Variants in CAAP1 observed in about 807,000 individuals in gnomAD.
The protein encoded by CAAP1 is conserved anti-apoptotic protein.
CAAP1 carries 20 observed loss-of-function variants against 34.0 expected under a neutral mutation model. The observed-to-expected ratio is 0.59, with a 90% CI of 0.41 to 0.86. CAAP1 has a LOEUF of 0.86. CAAP1 is among the 40% of genes least tolerant of loss of function. CAAP1 has a pLI of 0.00. For missense variants in CAAP1, 538 were observed against 450.5 expected (o/e 1.19, Z -1.76); for synonymous variants, 213 against 166.7 (o/e 1.28, Z -2.14).
chr9:26,856,131 G>T (rs183296239), intron 5 of CAAP1, among the ~76,000 whole-genome samples: 2 of 149,764 alleles, frequency 1.3e-5, no homozygotes, highest in Non-Finnish European at 2.9e-5. Flanking sequence ...TTTTAAAAGG[G>T]GGGGGGTAGA....
chr9:26,850,359 A>C (rs1385838178), intron 5 of CAAP1, among the ~76,000 whole-genome samples: 3 of 152,132 alleles, frequency 2.0e-5, no homozygotes, highest in African/African-American at 7.2e-5. Flanking sequence ...TGACTACCCC[A>C]AAAATGTCGA....
chr9:26,861,224 C>A, intron 4 of CAAP1, 85 bp from the exon 5 acceptor site: 1 of 941,010 alleles, frequency 1.1e-6, no homozygotes. Flanking sequence ...TTAAGTTAGG[C>A]ACTAGGGAAG....
rs539844823 is a variant in CAAP1 at position 26,871,914 on chromosome 9, A to AAAATAAATAAATAAATAAAT, written c.666-10795_666-10776dup. Among the ~76,000 whole-genome samples the AAAATAAATAAATAAATAAAT allele has an allele frequency of 3.6e-3, 541 of 149,760 alleles. 5 individuals are homozygous for AAAATAAATAAATAAATAAAT. The highest frequency in any genetic ancestry group is 0.013 in the African/African-American group (521 of 39,484). On this transcript the variant is annotated intron_variant, in intron 4 of 5. Coordinates refer to ENST00000333916, the MANE Select transcript of CAAP1 (RefSeq NM_024828.4). ...GGGCGACAGAGCCAGACTTCATCTCAAAATAAATAAATAAATAAATAAATA... is the reference window on the plus strand; with the variant it reads ...GGGCGACAGAGCCAGACTTCATCTCAAAATAAATAAATAAATAAATAAATAAATAAATAAATAAATAAATA...
chr9:26,856,844 GTA>G (rs1470916120), intron 5 of CAAP1, among the ~76,000 whole-genome samples: 1 of 151,984 alleles, frequency 6.6e-6, no homozygotes, highest in Non-Finnish European at 1.5e-5. Context: ...TATTTCTCAT[GTA>G]TAGTTTTAAA....
chr9:26,880,770 G>T (rs74707291), intron 4 of CAAP1, among the ~76,000 whole-genome samples: 2,000 of 152,186 alleles, frequency 0.013, 41 homozygotes, highest in African/African-American at 0.045. Context: ...CCATTTCCTG[G>T]GTTCAAGTGA....
chr9:26,884,582 T>C (rs1402286699), intron 4 of CAAP1, among the ~76,000 whole-genome samples: 7 of 152,180 alleles, frequency 4.6e-5, no homozygotes, highest in Non-Finnish European at 1.5e-5. Flanking sequence ...TATTGTTCTG[T>C]ATCTATGTGG....
chr9:26,872,856 CTTTT>C, intron 4 of CAAP1, among the ~76,000 whole-genome samples: 1 of 152,004 alleles, frequency 6.6e-6, no homozygotes, highest in East Asian at 1.9e-4. Flanking sequence ...TTAGGAATAT[CTTTT>C]TTAAGTTAAT....
chr9:26,875,517 A>T (rs1484782128), intron 4 of CAAP1, among the ~76,000 whole-genome samples: 1 of 152,244 alleles, frequency 6.6e-6, no homozygotes, highest in Non-Finnish European at 1.5e-5. Context: ...AGATTGCTTT[A>T]ATCTAGACAT....
chr9:26,890,328 G>A lies in CAAP1; in HGVS notation c.303+2085C>T, dbSNP rs148716906. Among the ~76,000 whole-genome samples, 1,219 of 151,596 alleles carry A rather than the reference G, an allele frequency of 8.0e-3. 27 individuals are homozygous for A. Among genetic ancestry groups the A allele is most frequent in the African/African-American group, 0.028 (1,157 of 41,278 alleles). ...GGAGGTTGCAGTGGGCTGAGATGGT[G>A]CCACTGCACTCCAGCCTGGGCGACA... On this transcript the variant is annotated intron_variant, in intron 1 of 5. Transcript: ENST00000333916.
chr9:26,866,972 A>T (rs1823153888), intron 4 of CAAP1, among the ~76,000 whole-genome samples: 2 of 152,128 alleles, frequency 1.3e-5, no homozygotes, highest in South Asian at 4.2e-4. Context: ...GCACAGTAGG[A>T]GGTGAGCGGT....
At chr9:26,869,380 A>G (rs1022208674) in intron 4 of CAAP1, among the ~76,000 whole-genome samples, 3 of 152,156 alleles carry the variant, frequency 2.0e-5, no homozygotes, top group Admixed American at 6.5e-5. Flanking sequence ...TAATTCACCA[A>G]TCTTTGGATA....
intron 4 of CAAP1, among the ~76,000 whole-genome samples, chr9:26,872,510 C>A (rs1823302723): frequency 1.3e-5 from 2 of 150,152 alleles, no homozygotes; most frequent in African/African-American, 2.5e-5. Flanking sequence ...ATAAAACAGG[C>A]AACTTAAATG....
At chr9:26,867,397 T>C (rs1003613186) in intron 4 of CAAP1, among the ~76,000 whole-genome samples, 4 of 152,124 alleles carry the variant, frequency 2.6e-5, no homozygotes, top group South Asian at 2.1e-4. Flanking sequence ...ATGCAAGTGA[T>C]TGCATTTAGA....
intron 1 of CAAP1, among the ~76,000 whole-genome samples, chr9:26,888,162 C>G (rs921162880): frequency 6.6e-6 from 1 of 152,190 alleles, no homozygotes; most frequent in Admixed American, 6.5e-5. Flanking sequence ...TCTGAGGTCT[C>G]TTTGTTTTGT....
At chr9:26,874,509 A>T (rs1165877910) in intron 4 of CAAP1, among the ~76,000 whole-genome samples, 2 of 152,094 alleles carry the variant, frequency 1.3e-5, no homozygotes, top group African/African-American at 4.8e-5. Context: ...TACTGAACTA[A>T]CTTTCTTTAC....
chr9:26,860,734 T>A (rs1228585871), intron 5 of CAAP1, among the ~76,000 whole-genome samples: 1 of 152,076 alleles, frequency 6.6e-6, no homozygotes, highest in East Asian at 1.9e-4. Context: ...GAGCTTGCAG[T>A]GAGCCAAGAT....
In CAAP1 at chr9:26,842,149, AAGAAAC is replaced by A. The variant is rs1455866681; in HGVS notation, c.*146_*151del. On this transcript the variant is annotated 3_prime_UTR_variant, in exon 6 of 6. Coordinates refer to ENST00000333916, the MANE Select transcript of CAAP1 (RefSeq NM_024828.4). ...ATATAAAAGTAGTCAAAAAAATAAA[AAGAAAC>A]AGCCACAGGTAATTTAGGGCTAAAA... is the stretch of plus-strand genomic sequence containing the variant. The A allele has an allele frequency of 1.7e-6, 1 of 587,316 alleles. No individual in the cohort carries two copies. The allele number at this position is 587,316 out of a possible 1,614,324, so 36.4% of individuals were successfully genotyped here.
chr9:26,841,977 A>G lies in CAAP1; in HGVS notation c.*324T>C, dbSNP rs1822490361. 2 of 183,476 alleles carry G rather than the reference A, an allele frequency of 1.1e-5. No individual in the cohort carries two copies. Among genetic ancestry groups the G allele is most frequent in the African/African-American group, 2.3e-5 (1 of 42,734 alleles). 11.4% of individuals were successfully genotyped at this position (183,476 alleles called of 1,614,324 possible). ...CTTTTGCTTTTAGGTTTGGTGCCCA[A>G]ACATTTAAAAATAAAGAAAAAAATA... On this transcript the variant is annotated 3_prime_UTR_variant, in exon 6 of 6. Transcript: ENST00000333916.
chr9:26,846,985 C>A (rs997181402), intron 5 of CAAP1, among the ~76,000 whole-genome samples: 2 of 151,942 alleles, frequency 1.3e-5, no homozygotes, highest in African/African-American at 4.8e-5. Context: ...CTGCGCCCGG[C>A]CAATTTTTCT....
Sources: gnomAD v4.1 joint callset for allele counts (sites outside exome capture counted in the v4.1 genomes callset) on GRCh38, gnomAD v4.1.1 for gene constraint, MANE v1.5 for transcripts, NCBI Gene and HGNC (gene_info 2026-07-23, HGNC 2026-07-21) for gene names.